Variants in CEP78 observed in about 807,000 individuals in gnomAD.
CEP78 encodes centrosomal protein of 78 kDa.
In CEP78, 76 loss-of-function variants were observed where a neutral mutation model predicts 81.2. The ratio of observed to expected loss-of-function variants is 0.94; its 90% CI spans 0.78 to 1.13. CEP78 has a LOEUF of 1.13. CEP78 is among the 50% of genes most tolerant of loss of function. The probability of loss-of-function intolerance (pLI) is 0.00; values close to 1 mark genes in which losing one functional copy is unlikely to be tolerated. For synonymous variants in CEP78, 293 were observed against 301.4 expected (o/e 0.97, Z 0.29); for missense variants, 918 against 846.8 (o/e 1.08, Z -1.04).
rs1218210752 is a variant in CEP78 at position 78,266,536 on chromosome 9, A to G, written c.1940A>G (p.Asn647Ser). 6.2e-7 allele frequency: 1 copy of G among 1,613,782 alleles called. No individual in the cohort carries two copies. The highest frequency in any genetic ancestry group is 1.3e-5 in the African/African-American group (1 of 74,916). ...CCAGAGGGCTTAGGAACTTCCAGCA[A>G]CAACCTAGGAGTCCCAGCTACTGAG... is the stretch of plus-strand genomic sequence containing the variant. ...STPEGLGTSS[N>S]NLGVPATEQR... Residue 647 changes from asparagine to serine, a missense_variant, in exon 16 of 17, where the codon AAC becomes AGC. Transcript: ENST00000643273.
chr9:78,251,124 G>A (rs1310565681), intron 8 of CEP78, among the ~76,000 whole-genome samples: 1 of 152,088 alleles, frequency 6.6e-6, no homozygotes, highest in Non-Finnish European at 1.5e-5. Context: ...TAATAGGTAG[G>A]TCTAGCTTTT....
chr9:78,265,563 C>T lies in CEP78; in HGVS notation c.1797+20C>T. 1 of 1,542,584 alleles carries T rather than the reference C, an allele frequency of 6.5e-7. No individual in the cohort carries two copies. Among genetic ancestry groups the T allele is most frequent in the Non-Finnish European group, 8.7e-7 (1 of 1,143,460 alleles). On this transcript the variant is annotated intron_variant, in intron 14 of 16. Transcript: ENST00000643273. ...ATCCAGGTAAATGAATAGAACAGAA[C>T]TTAGTGATTCTACAAGTGATTAGCA...
chr9:78,259,056 T>C (rs1827162249), intron 11 of CEP78, among the ~76,000 whole-genome samples: 1 of 152,212 alleles, frequency 6.6e-6, no homozygotes, highest in Non-Finnish European at 1.5e-5. Flanking sequence ...TTATTTGTAA[T>C]AGTCCAACCT....
At chr9:78,260,331 G>A (rs1444957185) in intron 11 of CEP78, among the ~76,000 whole-genome samples, 3 of 152,146 alleles carry the variant, frequency 2.0e-5, no homozygotes, top group Non-Finnish European at 2.9e-5. Context: ...GTTGAAAGTT[G>A]GAAACAGTCT....
chr9:78,241,107 G>A (rs1826208144), intron 3 of CEP78, among the ~76,000 whole-genome samples: 1 of 152,188 alleles, frequency 6.6e-6, no homozygotes, highest in African/African-American at 2.4e-5. Context: ...GGGGGGAAAG[G>A]GTTGGGATCA....
chr9:78,262,906 G>T lies in CEP78; in HGVS notation c.1381-1G>T. On this transcript the variant is annotated splice_acceptor_variant, in intron 11 of 16. Coordinates refer to ENST00000643273, the MANE Select transcript of CEP78 (RefSeq NM_001330691.3). LOFTEE classifies it high-confidence loss of function. ...ATATTTACTTTATTACTTAATACTA[G>T]GAAAAACTGGAGGAGTGCCTAAAGC... 6.6e-7 allele frequency: 1 copy of T among 1,510,386 alleles called. No individual in the cohort carries two copies. The highest frequency in any genetic ancestry group is 1.2e-5 in the South Asian group (1 of 80,064). 93.6% of individuals were successfully genotyped at this position (1,510,386 alleles called of 1,614,324 possible).
At position 78,236,148 on chromosome 9, in the gene CEP78, C is replaced by T; in HGVS notation, c.-203C>T. On this transcript the variant is annotated 5_prime_UTR_variant, in exon 1 of 17. Coordinates refer to ENST00000643273, the MANE Select transcript of CEP78 (RefSeq NM_001330691.3). ...TTGGGCCGCAGGGCGGGAGGCAGCG[C>T]GGGAGTGGGGCGTTGAGGGGCCGGC... The T allele has an allele frequency of 3.6e-6, 2 of 558,850 alleles. No individual in the cohort carries two copies. Among genetic ancestry groups the T allele is most frequent in the Non-Finnish European group, 3.1e-6 (1 of 321,818 alleles). 34.6% of individuals were successfully genotyped at this position (558,850 alleles called of 1,614,324 possible).
In CEP78 at chr9:78,278,625, C is replaced by T. The variant is rs1289230158; in HGVS notation, c.*7774C>T. On this transcript the variant is annotated 3_prime_UTR_variant, in exon 17 of 17. Coordinates refer to ENST00000643273, the MANE Select transcript of CEP78 (RefSeq NM_001330691.3). ...GGTAATGTCCTACTGTTTGGAAACA[C>T]TGGCTAGAGTGTTTCAAACATCTGC... 6.6e-6 allele frequency: 1 copy of T among 152,202 alleles called. No homozygotes were observed. Among genetic ancestry groups the T allele is most frequent in the East Asian group, 1.9e-4 (1 of 5,192 alleles). The allele number at this position is 152,202 out of a possible 1,614,324, so 9.4% of individuals were successfully genotyped here. A position where few individuals can be genotyped will look rare whatever the true frequency, so the allele number is the denominator to read the frequency against.
rs1455900349 is a variant in CEP78 at position 78,277,595 on chromosome 9, G to A, written c.*6744G>A. ...ATTAAAGATTGGTGATAGTGCTGGAGATAATGTGAGGAAAGGAGTATTCTC... is the reference window on the plus strand; with the variant it reads ...ATTAAAGATTGGTGATAGTGCTGGAAATAATGTGAGGAAAGGAGTATTCTC... On this transcript the variant is annotated 3_prime_UTR_variant, in exon 17 of 17. Coordinates refer to ENST00000643273, the MANE Select transcript of CEP78 (RefSeq NM_001330691.3). The A allele has an allele frequency of 6.6e-6, 1 of 152,174 alleles. No homozygotes were observed. The highest frequency in any genetic ancestry group is 1.5e-5 in the Non-Finnish European group (1 of 68,006). 9.4% of individuals were successfully genotyped at this position (152,174 alleles called of 1,614,324 possible). A position where few individuals can be genotyped will look rare whatever the true frequency, so the allele number is the denominator to read the frequency against.
Position 78,241,759 on chromosome 9 carries a change from T to G in CEP78, c.563T>G (p.Leu188Arg), listed in dbSNP as rs1340125449. 6.2e-7 allele frequency: 1 copy of G among 1,610,700 alleles called. No homozygotes were observed. Among genetic ancestry groups the G allele is most frequent in the East Asian group, 2.2e-5 (1 of 44,798 alleles). Residue 188 changes from leucine to arginine, a missense_variant, in exon 4 of 17, where the codon CTG becomes CGG. Leu to Arg is a moderately radical substitution (Grantham distance 102, BLOSUM62 -2). Transcript: ENST00000643273. ...LKTVNFTGCNLTWQGADHMAK... is the reference protein window; with the variant it reads ...LKTVNFTGCNRTWQGADHMAK... Reference sequence around the variant, plus strand: ...ACAGTCAACTTCACAGGATGTAATCTGACATGGCAGGGAGCAGATCACATG... The same window carrying G: ...ACAGTCAACTTCACAGGATGTAATCGGACATGGCAGGGAGCAGATCACATG...
At chr9:78,267,248 A>C (rs758607788) in intron 16 of CEP78, 1 of 293,824 alleles carries the variant, frequency 3.4e-6, no homozygotes, top group Non-Finnish European at 6.5e-6. Flanking sequence ...TATGGCTTTC[A>C]GCAGTGAACA....
In CEP78 at chr9:78,240,981, A is replaced by T. The variant is rs1161317780; in HGVS notation, c.499+617A>T. On this transcript the variant is annotated intron_variant, in intron 3 of 16. Coordinates refer to ENST00000643273, the MANE Select transcript of CEP78 (RefSeq NM_001330691.3). The stretch of plus-strand genomic sequence containing the variant: ...CCGTCTCAAAAAAAAAAAAATCATC[A>T]TTACTTTAAATAATTAAAACATATA... 2.6e-5 allele frequency among the ~76,000 whole-genome samples: 4 copies of T among 152,114 alleles called. No homozygotes were observed. In the East Asian group the frequency reaches 7.7e-4, roughly 29 times the overall value.
At chr9:78,251,447 C>A (rs1457719487) in intron 8 of CEP78, among the ~76,000 whole-genome samples, 1 of 152,066 alleles carries the variant, frequency 6.6e-6, no homozygotes, top group Non-Finnish European at 1.5e-5. Context: ...TCAGAAGGTT[C>A]TGTTTGGTAG....
intron 16 of CEP78, 108 bp downstream of exon 16, chr9:78,266,811 T>A (rs1330749348): frequency 6.7e-7 from 1 of 1,502,224 alleles, no homozygotes; most frequent in South Asian, 1.4e-5. Flanking sequence ...GGAAACTAGT[T>A]CTTTGGTTAA....
rs1186841188 is a variant in CEP78 at position 78,240,187 on chromosome 9, C to T, written c.418C>T (p.Leu140=). 6.2e-7 allele frequency: 1 copy of T among 1,605,590 alleles called. No homozygotes were observed. Among genetic ancestry groups the T allele is most frequent in the South Asian group, 1.1e-5 (1 of 90,150 alleles). Residue 140 remains leucine, a synonymous_variant, in exon 2 of 17, where the codon CTA becomes TTA. Coordinates refer to ENST00000643273, the MANE Select transcript of CEP78 (RefSeq NM_001330691.3). ...TCTGAGAGAGAGGGATTTAACTATT[C>T]TAGCAAAGGTAAGCTTTGTCTCATT... The part of the protein sequence containing the change: ...LILRERDLTI[L]AKGLNKSASL...
At chr9:78,236,698 A>AG in intron 1 of CEP78, 95 bp downstream of exon 1, 2 of 1,444,996 alleles carry the variant, frequency 1.4e-6, no homozygotes, top group Non-Finnish European at 1.8e-6. Flanking sequence ...GTGCAATAGA[A>AG]GGGGTGTGCG....
intron 11 of CEP78, among the ~76,000 whole-genome samples, chr9:78,261,192 G>A (rs374011289): frequency 1.4e-4 from 22 of 152,022 alleles, no homozygotes; most frequent in African/African-American, 1.2e-4. Context: ...TGCCTGCCTC[G>A]GCCTCCCAAA....
At position 78,252,076 on chromosome 9, in the gene CEP78, A is replaced by G. The variant is rs376592591; in HGVS notation, c.1205+33A>G. Reference sequence around the variant, plus strand: ...ATTTTTATTTCCTATCTTTTAGGATAAAAATGGGATTCAAAATTCTTTATT... The same window carrying G: ...ATTTTTATTTCCTATCTTTTAGGATGAAAATGGGATTCAAAATTCTTTATT... On this transcript the variant is annotated intron_variant, in intron 9 of 16. Transcript: ENST00000643273. 47 of 1,527,534 alleles carry G rather than the reference A, an allele frequency of 3.1e-5. No individual in the cohort carries two copies. The East Asian group carries it at 9.0e-4, about 29-fold the overall frequency. 94.6% of individuals were successfully genotyped at this position (1,527,534 alleles called of 1,614,324 possible). A position where few individuals can be genotyped will look rare whatever the true frequency, so the allele number is the denominator to read the frequency against.
chr9:78,262,202 A>G (rs865987466), intron 11 of CEP78, among the ~76,000 whole-genome samples: 1 of 137,586 alleles, frequency 7.3e-6, no homozygotes, highest in African/African-American at 2.7e-5. Flanking sequence ...GGGATGTGCT[A>G]TTTTTTTTTT....
Sources: gnomAD v4.1 joint callset for allele counts (sites outside exome capture counted in the v4.1 genomes callset) on GRCh38, gnomAD v4.1.1 for gene constraint, MANE v1.5 for transcripts, NCBI Gene and HGNC (gene_info 2026-07-23, HGNC 2026-07-21) for gene names.